Variants in KHDRBS2 observed in about 807,000 individuals in gnomAD.
KHDRBS2 encodes the protein KH domain-containing, RNA-binding, signal transduction-associated protein 2.
In KHDRBS2, 26 loss-of-function variants were observed where a neutral mutation model predicts 44.3. The ratio of observed to expected loss-of-function variants is 0.59; its 90% CI spans 0.43 to 0.81. The LOEUF is 0.81. KHDRBS2 is among the 40% of genes least tolerant of loss of function. The pLI is 0.00. For synonymous variants in KHDRBS2, 194 were observed against 151.1 expected (o/e 1.28, Z -2.08); for missense variants, 476 against 433.1 (o/e 1.10, Z -0.88).
At chr6:61,566,544 C>A in the KHDRBS2 span, among the ~76,000 whole-genome samples, 2 of 152,092 alleles carry the variant, frequency 1.3e-5, no homozygotes, top group Non-Finnish European at 2.9e-5. Context: ...GATGTAATCA[C>A]CACACATAAT....
chr6:61,664,578 C>T, the KHDRBS2 span, among the ~76,000 whole-genome samples: 1 of 151,650 alleles, frequency 6.6e-6, no homozygotes, highest in Non-Finnish European at 1.5e-5. Context: ...CCTTCCTGTA[C>T]TGTGGTTTTA....
At chr6:62,049,804 G>A (rs764781554) in intron 2 of KHDRBS2, among the ~76,000 whole-genome samples, 5 of 152,056 alleles carry the variant, frequency 3.3e-5, no homozygotes, top group Non-Finnish European at 7.4e-5. Context: ...ATGTTGGTGA[G>A]GCTGTGAAGA....
intron 3 of KHDRBS2, among the ~76,000 whole-genome samples, chr6:62,044,178 C>T (rs557049371): frequency 2.6e-5 from 4 of 151,974 alleles, no homozygotes; most frequent in East Asian, 2.0e-4. Context: ...TCCAGTCTCC[C>T]GCTTAAGTGC....
rs181103593 is a variant in KHDRBS2 at position 62,180,820 on chromosome 6, A to G, written c.92-3508T>C. ...ATAAAGTCATAGTAATCAAAACAGT[A>G]TTATACTGGCATAAAAACAGAAATA... On this transcript the variant is annotated intron_variant, in intron 1 of 8. Coordinates refer to ENST00000281156, the MANE Select transcript of KHDRBS2 (RefSeq NM_152688.4). Among the ~76,000 whole-genome samples the G allele has an allele frequency of 1.5e-3, 230 of 152,052 alleles. 1 individual carries two copies. Among genetic ancestry groups the G allele is most frequent in the African/African-American group, 5.4e-3 (224 of 41,534 alleles).
chr6:61,919,959 A>G (rs992585316), intron 4 of KHDRBS2, among the ~76,000 whole-genome samples: 1 of 151,926 alleles, frequency 6.6e-6, no homozygotes, highest in Non-Finnish European at 1.5e-5. Flanking sequence ...ATGGTTTGAG[A>G]AAATCTATTT....
At chr6:61,917,605 C>T (rs1393382161) in intron 4 of KHDRBS2, among the ~76,000 whole-genome samples, 1 of 151,966 alleles carries the variant, frequency 6.6e-6, no homozygotes, top group Admixed American at 6.6e-5. Flanking sequence ...GAATGTACAA[C>T]ATTCACAATA....
intron 2 of KHDRBS2, among the ~76,000 whole-genome samples, chr6:62,108,124 C>G (rs1226184809): frequency 6.6e-6 from 1 of 152,034 alleles, no homozygotes; most frequent in Non-Finnish European, 1.5e-5. Flanking sequence ...AGCTTCTGCA[C>G]AGCAAAAGAA....
chr6:62,152,336 C>CA (rs1815384826), intron 2 of KHDRBS2, among the ~76,000 whole-genome samples: 1 of 151,896 alleles, frequency 6.6e-6, no homozygotes, highest in African/African-American at 2.4e-5. Context: ...AAACAAAAAA[C>CA]AAACAAAAAA....
chr6:62,179,336 C>T (rs1821788728), intron 1 of KHDRBS2, among the ~76,000 whole-genome samples: 2 of 151,630 alleles, frequency 1.3e-5, no homozygotes, highest in South Asian at 2.1e-4. Flanking sequence ...ATAATTTCTA[C>T]TTAGTGTGAT....
chr6:62,061,332 C>T (rs371964168), intron 2 of KHDRBS2, among the ~76,000 whole-genome samples: 70 of 151,794 alleles, frequency 4.6e-4, no homozygotes, highest in African/African-American at 1.6e-3. Flanking sequence ...TTTCCATGTT[C>T]AGCGCTTCCT....
chr6:61,661,300 T>A, the KHDRBS2 span: 2 of 151,854 alleles, frequency 1.3e-5, no homozygotes, highest in African/African-American at 4.8e-5. Context: ...TTAAAAACAT[T>A]AAACCTCCAA....
the KHDRBS2 span, among the ~76,000 whole-genome samples, chr6:61,603,281 G>A: frequency 2.0e-5 from 3 of 152,196 alleles, no homozygotes; most frequent in Non-Finnish European, 2.9e-5. Context: ...CCACCACGTG[G>A]TGCCAAACCC....
At chr6:61,554,254 C>T in the KHDRBS2 span, among the ~76,000 whole-genome samples, 1 of 152,118 alleles carries the variant, frequency 6.6e-6, no homozygotes, top group East Asian at 1.9e-4. Context: ...TTAAGTAATG[C>T]ACTTCCTTGT....
At chr6:61,828,204 A>G (rs1265928334) in intron 6 of KHDRBS2, among the ~76,000 whole-genome samples, 1 of 152,192 alleles carries the variant, frequency 6.6e-6, no homozygotes, top group African/African-American at 2.4e-5. Context: ...TCTCTGATCA[A>G]TGGATTCAAT....
At chr6:62,174,865 T>C (rs1259523581) in intron 2 of KHDRBS2, among the ~76,000 whole-genome samples, 1 of 151,778 alleles carries the variant, frequency 6.6e-6, no homozygotes, top group Non-Finnish European at 1.5e-5. Context: ...ATAAATACTG[T>C]TGTGTTCTGC....
intron 6 of KHDRBS2, among the ~76,000 whole-genome samples, chr6:61,779,715 C>T (rs957174892): frequency 1.3e-5 from 2 of 152,094 alleles, no homozygotes; most frequent in African/African-American, 4.8e-5. Context: ...AACTAATATT[C>T]AATGAGTGTG....
At chr6:61,545,592 A>G in the KHDRBS2 span, among the ~76,000 whole-genome samples, 1 of 151,828 alleles carries the variant, frequency 6.6e-6, no homozygotes, top group African/African-American at 2.4e-5. Flanking sequence ...ATGCTCAAAA[A>G]CAGTATATGT....
At chr6:62,064,971 G>T (rs1341484300) in intron 2 of KHDRBS2, among the ~76,000 whole-genome samples, 1 of 151,924 alleles carries the variant, frequency 6.6e-6, no homozygotes, top group Admixed American at 6.6e-5. Flanking sequence ...AGTGGGTGAA[G>T]GACATGAACA....
At chr6:62,094,480 T>C (rs894497773) in intron 2 of KHDRBS2, among the ~76,000 whole-genome samples, 2 of 151,966 alleles carry the variant, frequency 1.3e-5, no homozygotes, top group Admixed American at 1.3e-4. Flanking sequence ...TCTCATTTTG[T>C]AGGTTATCTC....
Sources: gnomAD v4.1 joint callset for allele counts (sites outside exome capture counted in the v4.1 genomes callset) on GRCh38, gnomAD v4.1.1 for gene constraint, MANE v1.5 for transcripts, NCBI Gene and HGNC (gene_info 2026-07-23, HGNC 2026-07-21) for gene names.